PRKN: variants seen among roughly 807,000 people sequenced by gnomAD.
PRKN encodes E3 ubiquitin-protein ligase parkin.
In PRKN, 56 loss-of-function variants were observed where a neutral mutation model predicts 59.5. The observed-to-expected ratio is 0.94, with a 90% CI of 0.76 to 1.18. The LOEUF (loss-of-function observed/expected upper bound fraction) is 1.18. PRKN is among the 50% of genes most tolerant of loss of function. The pLI, the probability that PRKN is intolerant of heterozygous loss-of-function variation, is 0.00. For missense variants in PRKN, 657 were observed against 596.4 expected (o/e 1.10, Z -1.06); for synonymous variants, 250 against 222.1 (o/e 1.13, Z -1.12).
At chr6:161,754,040 T>C (rs1343782872) in intron 7 of PRKN, among the ~76,000 whole-genome samples, 1 of 151,976 alleles carries the variant, frequency 6.6e-6, no homozygotes, top group Non-Finnish European at 1.5e-5. Flanking sequence ...TAAAGTAAAA[T>C]GGGTGAGCCC....
chr6:162,310,626 A>G (rs1009483817), intron 2 of PRKN, among the ~76,000 whole-genome samples: 2 of 152,092 alleles, frequency 1.3e-5, no homozygotes, highest in African/African-American at 4.8e-5. Context: ...GGATAGCATT[A>G]GGAGATATAC....
intron 7 of PRKN, among the ~76,000 whole-genome samples, chr6:161,695,028 T>G (rs191445676): frequency 1.3e-3 from 196 of 152,174 alleles, no homozygotes; most frequent in Middle Eastern, 6.8e-3. Context: ...GCAATTCCAA[T>G]CTACATTGAA....
At position 162,171,409 on chromosome 6, in the gene PRKN, C is replaced by T. The variant is rs140749989; in HGVS notation, c.534+29722G>A. Among the ~76,000 whole-genome samples, 574 of 152,148 alleles carry T rather than the reference C, an allele frequency of 3.8e-3. 3 individuals are homozygous for T. The highest frequency in any genetic ancestry group is 0.01 in the Middle Eastern group (3 of 294). On this transcript the variant is annotated intron_variant, in intron 4 of 11. Coordinates refer to ENST00000366898, the MANE Select transcript of PRKN (RefSeq NM_004562.3). ...TGAGGGACAGCCTGAGTGGTTGAAACGCTGCTTTTCTGATGATTTGGCTGA... is the reference window on the plus strand; with the variant it reads ...TGAGGGACAGCCTGAGTGGTTGAAATGCTGCTTTTCTGATGATTTGGCTGA...
rs116922543 is a variant in PRKN, at chr6:162,581,481, C to T, written c.8-138008G>A. On this transcript the variant is annotated intron_variant, in intron 1 of 11. Coordinates refer to ENST00000366898, the MANE Select transcript of PRKN (RefSeq NM_004562.3). ...TACAAAGACAAATATTTAACTTAGG[C>T]CAGGTGCGGTGGCTCACGCCTGTAA... Among the ~76,000 whole-genome samples, 1,287 of 152,308 alleles carry T rather than the reference C, an allele frequency of 8.4e-3. 5 individuals carry two copies. Among genetic ancestry groups the T allele is most frequent in the Middle Eastern group, 0.024 (7 of 294 alleles).
intron 7 of PRKN, among the ~76,000 whole-genome samples, chr6:161,674,535 C>T (rs918075757): frequency 3.3e-5 from 5 of 152,060 alleles, no homozygotes; most frequent in Non-Finnish European, 5.9e-5. Flanking sequence ...ATACAATTGA[C>T]AGCATCTTAG....
intron 2 of PRKN, among the ~76,000 whole-genome samples, chr6:162,286,056 T>A (rs959014295): frequency 6.6e-6 from 1 of 152,112 alleles, no homozygotes; most frequent in African/African-American, 2.4e-5. Context: ...CAAATTTACA[T>A]CATCAGGTTT....
intron 2 of PRKN, among the ~76,000 whole-genome samples, chr6:162,286,211 G>A (rs1488475540): frequency 6.7e-6 from 1 of 149,988 alleles, no homozygotes; most frequent in Non-Finnish European, 1.5e-5. Context: ...CCACATTAGG[G>A]CACAGGTTTT....
rs1442631820 is a variant in PRKN at position 162,638,004 on chromosome 6, T to C, written c.7+89658A>G. Among the ~76,000 whole-genome samples, 7 of 152,128 alleles carry C rather than the reference T, an allele frequency of 4.6e-5. No individual in the cohort carries two copies. In the East Asian group the frequency reaches 7.8e-4, roughly 17 times the overall value. On this transcript the variant is annotated intron_variant, in intron 1 of 11. Coordinates refer to ENST00000366898, the MANE Select transcript of PRKN (RefSeq NM_004562.3). The stretch of plus-strand genomic sequence containing the variant: ...GCCCTCAACTGTCAATCCTACAATA[T>C]AACGAAGGCAGATGACATTCTCAGA...
intron 2 of PRKN, among the ~76,000 whole-genome samples, chr6:162,392,667 C>T (rs1787262731): frequency 6.6e-6 from 1 of 152,160 alleles, no homozygotes. Flanking sequence ...ACAAAGTGGA[C>T]TCAGCCACTA....
intron 1 of PRKN, among the ~76,000 whole-genome samples, chr6:162,668,418 G>C (rs537244567): frequency 6.6e-6 from 1 of 152,240 alleles, no homozygotes; most frequent in Non-Finnish European, 1.5e-5. Flanking sequence ...TGCTGGCCAA[G>C]TGCCAAAGGC....
chr6:162,358,442 T>C, intron 2 of PRKN, among the ~76,000 whole-genome samples: 1 of 152,314 alleles, frequency 6.6e-6, no homozygotes, highest in African/African-American at 2.4e-5. Flanking sequence ...GTATTTCTAT[T>C]CCTTCTTTTT....
chr6:162,254,789 A>T (rs1171815431), intron 3 of PRKN, among the ~76,000 whole-genome samples: 1 of 152,082 alleles, frequency 6.6e-6, no homozygotes, highest in Non-Finnish European at 1.5e-5. Flanking sequence ...CTCATCGCCA[A>T]AGGGTCCTTT....
Position 161,451,085 on chromosome 6 carries a change from G to A in PRKN, c.1084-64208C>T, listed in dbSNP as rs2115123279. 6.6e-6 allele frequency among the ~76,000 whole-genome samples: 1 copy of A among 152,214 alleles called. No individual in the cohort carries two copies. Among genetic ancestry groups the A allele is most frequent in the South Asian group, 2.1e-4 (1 of 4,824 alleles). On this transcript the variant is annotated intron_variant, in intron 9 of 11. Coordinates refer to ENST00000366898, the MANE Select transcript of PRKN (RefSeq NM_004562.3). This position sits in a 1 kb window ranked among gnomAD's most constrained non-coding sequence, Gnocchi z 5.9. Reference sequence around the variant, plus strand: ...TAGAGAAGCCTTGAGGACTAGAACAGAACCGATGGAAAGAGAACTGGCAAG... The same window carrying A: ...TAGAGAAGCCTTGAGGACTAGAACAAAACCGATGGAAAGAGAACTGGCAAG...
At chr6:161,935,175 T>C (rs1307647699) in intron 6 of PRKN, among the ~76,000 whole-genome samples, 1 of 152,170 alleles carries the variant, frequency 6.6e-6, no homozygotes, top group African/African-American at 2.4e-5. Flanking sequence ...AAACTACGCA[T>C]GGATTCCAAT....
intron 1 of PRKN, among the ~76,000 whole-genome samples, chr6:162,638,259 T>A (rs1777817672): frequency 6.6e-6 from 1 of 152,166 alleles, no homozygotes; most frequent in African/African-American, 2.4e-5. Flanking sequence ...CCTCCTTTCC[T>A]GTTTTCTTGA....
At chr6:161,752,548 C>T (rs2128195222) in intron 7 of PRKN, among the ~76,000 whole-genome samples, 1 of 151,804 alleles carries the variant, frequency 6.6e-6, no homozygotes, top group South Asian at 2.1e-4. Flanking sequence ...TAACAATTAG[C>T]TGGGTGCATT....
At chr6:162,427,147 C>G (rs960011411) in intron 2 of PRKN, among the ~76,000 whole-genome samples, 5 of 152,224 alleles carry the variant, frequency 3.3e-5, no homozygotes, top group South Asian at 4.1e-4. Context: ...TCTACAATGA[C>G]AGAAAAGTTT....
intron 7 of PRKN, among the ~76,000 whole-genome samples, chr6:161,722,641 C>T (rs1307110037): frequency 1.3e-5 from 2 of 152,144 alleles, no homozygotes; most frequent in Non-Finnish European, 2.9e-5. Context: ...ATTTATACTC[C>T]TGTCAGTATT....
chr6:161,784,259 A>G (rs1459249260), intron 7 of PRKN, among the ~76,000 whole-genome samples: 1 of 152,226 alleles, frequency 6.6e-6, no homozygotes, highest in South Asian at 2.1e-4. Context: ...GTTTGACACA[A>G]AAAGTATTAG....
Sources: gnomAD v4.1 joint callset for allele counts (sites outside exome capture counted in the v4.1 genomes callset) on GRCh38, gnomAD v4.1.1 for gene constraint, Gnocchi (gnomAD v3.1) non-coding constraint, MANE v1.5 for transcripts, NCBI Gene and HGNC (gene_info 2026-07-23, HGNC 2026-07-21) for gene names.